MACROD2: variants seen among roughly 807,000 people sequenced by gnomAD.
The protein encoded by MACROD2 is ADP-ribose glycohydrolase MACROD2.
Under a neutral mutation model 70.4 loss-of-function variants are expected in MACROD2, and 36 were observed. The ratio of observed to expected loss-of-function variants is 0.51; its 90% CI spans 0.39 to 0.68. The LOEUF is 0.68. MACROD2 is among the 30% of genes least tolerant of loss of function. MACROD2 has a pLI of 0.00. For synonymous variants in MACROD2, 172 were observed against 178.8 expected, an observed-to-expected ratio of 0.96 and a Z score of 0.30; for missense variants, 496 against 538.4, an observed-to-expected ratio of 0.92 and a Z score of 0.78.
intron 5 of MACROD2, among the ~76,000 whole-genome samples, chr20:15,058,641 A>G (rs2075506617): frequency 6.6e-6 from 1 of 152,210 alleles, no homozygotes; most frequent in African/African-American, 2.4e-5. Context: ...ATATTTAATT[A>G]TGCTATGCTC....
At chr20:15,416,138 T>C (rs1367918970) in intron 6 of MACROD2, among the ~76,000 whole-genome samples, 1 of 152,174 alleles carries the variant, frequency 6.6e-6, no homozygotes, top group Admixed American at 6.5e-5. Flanking sequence ...CCCATCTTGT[T>C]CTTTTTGCTC....
chr20:15,258,609 C>T (rs557168111), intron 6 of MACROD2, among the ~76,000 whole-genome samples: 2 of 152,036 alleles, frequency 1.3e-5, no homozygotes, highest in African/African-American at 4.8e-5. Context: ...TGTGTAAGTC[C>T]CTCTGTTGAT....
chr20:15,921,941 ACT>A (rs2065414794), intron 10 of MACROD2, among the ~76,000 whole-genome samples: 1 of 152,122 alleles, frequency 6.6e-6, no homozygotes, highest in African/African-American at 2.4e-5. Context: ...GAGGAGTCCC[ACT>A]CCAGGGGCAT....
intron 5 of MACROD2, among the ~76,000 whole-genome samples, chr20:15,001,088 A>G (rs1264690478): frequency 6.6e-6 from 1 of 152,136 alleles, no homozygotes; most frequent in Non-Finnish European, 1.5e-5. Flanking sequence ...CTATGATCTC[A>G]AGAATAATGG....
At chr20:15,981,326 T>C (rs1355606725) in intron 13 of MACROD2, among the ~76,000 whole-genome samples, 1 of 151,214 alleles carries the variant, frequency 6.6e-6, no homozygotes, top group Non-Finnish European at 1.5e-5. Flanking sequence ...TGCGGTATCG[T>C]TATACAGTTT....
At chr20:15,785,151 CAAA>C (rs398035431) in intron 8 of MACROD2, among the ~76,000 whole-genome samples, 3,818 of 103,552 alleles carry the variant, frequency 0.037, 190 homozygotes, top group East Asian at 0.32. Context: ...GACTCCGTCT[CAAA>C]AAAAAAAAAA....
intron 5 of MACROD2, among the ~76,000 whole-genome samples, chr20:14,854,133 T>A (rs974411329): frequency 6.6e-6 from 1 of 152,070 alleles, no homozygotes; most frequent in Non-Finnish European, 1.5e-5. Context: ...TGTCCGTGAG[T>A]TCAGGGAGGC....
At chr20:14,793,452 C>T (rs1334758492) in intron 5 of MACROD2, among the ~76,000 whole-genome samples, 4 of 151,834 alleles carry the variant, frequency 2.6e-5, no homozygotes, top group Admixed American at 2.6e-4. Flanking sequence ...ACCATGCCCC[C>T]CGCCAGCATA....
At position 14,599,101 on chromosome 20, in the gene MACROD2, A is replaced by G. The variant is rs73100646; in HGVS notation, c.302-85742A>G. Among the ~76,000 whole-genome samples, 590 of 152,308 alleles carry G rather than the reference A, an allele frequency of 3.9e-3. 4 individuals carry two copies. The highest frequency in any genetic ancestry group is 0.01 in the Middle Eastern group (3 of 294). On this transcript the variant is annotated intron_variant, in intron 4 of 17. Coordinates refer to ENST00000684519, the MANE Select transcript of MACROD2 (RefSeq NM_001351661.2). ...GGCATTAACCATCTAGCAGGGATAC[A>G]GGTACACCCAAGTAGTTATAAATGT... is the stretch of plus-strand genomic sequence containing the variant.
At chr20:14,130,367 G>C (rs1214717357) in intron 3 of MACROD2, among the ~76,000 whole-genome samples, 5 of 152,114 alleles carry the variant, frequency 3.3e-5, no homozygotes, top group Non-Finnish European at 7.4e-5. Flanking sequence ...GGCCAAGATG[G>C]TGAAACCCCG....
At chr20:14,791,933 T>C (rs2123803026) in intron 5 of MACROD2, among the ~76,000 whole-genome samples, 1 of 152,044 alleles carries the variant, frequency 6.6e-6, no homozygotes, top group South Asian at 2.1e-4. Context: ...TTGATTATTG[T>C]TGATGTTGAT....
chr20:14,117,829 G>A (rs765232353), intron 3 of MACROD2, among the ~76,000 whole-genome samples: 34 of 152,088 alleles, frequency 2.2e-4, no homozygotes, highest in Non-Finnish European at 4.4e-5. Context: ...ATTGCAGCAG[G>A]CAAAGTTCTA....
At chr20:14,845,913 T>C (rs1040409330) in intron 5 of MACROD2, among the ~76,000 whole-genome samples, 5 of 152,106 alleles carry the variant, frequency 3.3e-5, no homozygotes, top group African/African-American at 7.2e-5. Context: ...GTTGGCACCA[T>C]GTAATTGACC....
chr20:14,247,843 G>A (rs149046285), intron 3 of MACROD2, among the ~76,000 whole-genome samples: 2 of 152,264 alleles, frequency 1.3e-5, no homozygotes, highest in East Asian at 1.9e-4. Flanking sequence ...TTTGAAAATC[G>A]TATCCAGCAG....
intron 3 of MACROD2, among the ~76,000 whole-genome samples, chr20:14,338,043 A>G (rs2082969655): frequency 6.6e-6 from 1 of 152,246 alleles, no homozygotes; most frequent in Non-Finnish European, 1.5e-5. Flanking sequence ...TAATTGTGGA[A>G]GATGTATGCC....
intron 15 of MACROD2, among the ~76,000 whole-genome samples, chr20:16,022,522 C>T (rs1292779829): frequency 2.0e-5 from 3 of 152,154 alleles, no homozygotes. Flanking sequence ...ACAAGAATCA[C>T]TAGGGCAGCT....
intron 7 of MACROD2, among the ~76,000 whole-genome samples, chr20:15,498,917 T>C (rs1490041111): frequency 6.6e-6 from 1 of 152,174 alleles, no homozygotes; most frequent in Non-Finnish European, 1.5e-5. Context: ...TGGGATTTGG[T>C]GATTAGGAAG....
chr20:14,652,893 T>C (rs565239438), intron 4 of MACROD2, among the ~76,000 whole-genome samples: 1 of 152,322 alleles, frequency 6.6e-6, no homozygotes, highest in African/African-American at 2.4e-5. Flanking sequence ...TAACATGTTA[T>C]AATGCACTCT....
At chr20:15,978,662 AGAATGAGGAT>A (rs1055111764) in intron 13 of MACROD2, among the ~76,000 whole-genome samples, 3 of 151,946 alleles carry the variant, frequency 2.0e-5, no homozygotes, top group Non-Finnish European at 4.4e-5. Flanking sequence ...GCAATGGGGA[AGAATGAGGAT>A]GAATGGGTTT....
Sources: gnomAD v4.1 joint callset for allele counts (sites outside exome capture counted in the v4.1 genomes callset) on GRCh38, gnomAD v4.1.1 for gene constraint, MANE v1.5 for transcripts, NCBI Gene and HGNC (gene_info 2026-07-23, HGNC 2026-07-21) for gene names.